The following TRAPPC11 variants were observed in gnomAD, a reference collection of about 807,000 sequenced individuals.
TRAPPC11 encodes the protein foie gras homolog.
TRAPPC11 carries 104 observed loss-of-function variants against 151.2 expected under a neutral mutation model. That is an observed-to-expected ratio of 0.69 (90% CI 0.59 to 0.81). TRAPPC11 has a LOEUF of 0.81. TRAPPC11 is among the 30% of genes least tolerant of loss of function. The probability of loss-of-function intolerance (pLI) is 0.00; values close to 1 mark genes in which losing one functional copy is unlikely to be tolerated. For synonymous variants in TRAPPC11, 456 were observed against 472.3 expected (o/e 0.97, Z 0.45); for missense variants, 1,230 against 1,349.6 (o/e 0.91, Z 1.39).
At chr4:183,677,175 G>A (rs1735456374) in intron 7 of TRAPPC11, among the ~76,000 whole-genome samples, 1 of 152,166 alleles carries the variant, frequency 6.6e-6, no homozygotes, top group Admixed American at 6.5e-5. Context: ...GATTTTTCTG[G>A]ACAGTTGTCC....
chr4:183,681,880 G>A (rs1735718567), intron 10 of TRAPPC11, among the ~76,000 whole-genome samples: 1 of 151,998 alleles, frequency 6.6e-6, no homozygotes, highest in South Asian at 2.1e-4. Context: ...GATAACTAAG[G>A]CAGCTAATAA....
chr4:183,681,418 A>G (rs1735683164), intron 10 of TRAPPC11, among the ~76,000 whole-genome samples: 1 of 151,702 alleles, frequency 6.6e-6, no homozygotes. Context: ...CAGTATTTTA[A>G]AAAGTGACTA....
Position 183,697,782 on chromosome 4 carries a change from A to G in TRAPPC11, c.2798A>G (p.Gln933Arg). Reference protein sequence around the residue: ...WALTIVSSELQLAPSMTTVDQ... With the variant: ...WALTIVSSELRLAPSMTTVDQ... ...CTCACTATTGTTTCCAGTGAGCTCC[A>G]GCTTGCTCCATCCATGACCACAGTG... Residue 933 changes from glutamine (Q) to arginine (R), a missense_variant, in exon 25 of 30, where the codon CAG becomes CGG. Transcript: ENST00000334690. 1 of 1,614,030 alleles carries G rather than the reference A, an allele frequency of 6.2e-7. No homozygotes were observed. Among genetic ancestry groups the G allele is most frequent in the African/African-American group, 1.3e-5 (1 of 75,012 alleles).
At chr4:183,669,659 C>A (rs900915097) in intron 5 of TRAPPC11, among the ~76,000 whole-genome samples, 32 of 152,178 alleles carry the variant, frequency 2.1e-4, no homozygotes, top group Non-Finnish European at 3.1e-4. Flanking sequence ...ATTGCCATAA[C>A]TGAGGGGGTT....
At chr4:183,673,002 G>A (rs1356128379) in intron 5 of TRAPPC11, among the ~76,000 whole-genome samples, 1 of 132,936 alleles carries the variant, frequency 7.5e-6, no homozygotes, top group Non-Finnish European at 1.6e-5. Flanking sequence ...TCGCTCTGTT[G>A]CCCAGGCTGG....
chr4:183,707,252 T>TTGTGTG (rs1275308451), intron 28 of TRAPPC11, among the ~76,000 whole-genome samples: 36 of 98,826 alleles, frequency 3.6e-4, no homozygotes, highest in African/African-American at 1.3e-3. Context: ...GTGTGTGTGT[T>TTGTGTG]TATGTGTGTG....
At chr4:183,712,480 A>G (rs577857976) in intron 29 of TRAPPC11, 120 bp from the exon 30 acceptor site, 2 of 970,774 alleles carry the variant, frequency 2.1e-6, no homozygotes, top group African/African-American at 1.6e-5. Context: ...TTTGATGCTT[A>G]CACTCATTTA....
intron 18 of TRAPPC11, among the ~76,000 whole-genome samples, chr4:183,690,839 A>G (rs990333798): frequency 2.0e-5 from 3 of 152,122 alleles, no homozygotes; most frequent in Non-Finnish European, 2.9e-5. Flanking sequence ...GTGATCGTAC[A>G]TGCCTATGGT....
rs1019096674 is a variant in TRAPPC11, at chr4:183,708,587, A to G, written c.3357+13A>G. On this transcript the variant is annotated intron_variant, in intron 29 of 29. Coordinates refer to ENST00000334690, the MANE Select transcript of TRAPPC11 (RefSeq NM_021942.6). ...TATTTTTGTCAAGGTAAAGCTTAGC[A>G]ATTTTCTGCTTTTTAAATTCAAAGT... 9.3e-6 allele frequency: 15 copies of G among 1,607,084 alleles called. No homozygotes were observed. Among genetic ancestry groups the G allele is most frequent in the Non-Finnish European group, 1.3e-5 (15 of 1,178,178 alleles).
chr4:183,692,685 G>T (rs1178755414), intron 19 of TRAPPC11, among the ~76,000 whole-genome samples: 1 of 152,186 alleles, frequency 6.6e-6, no homozygotes, highest in Non-Finnish European at 1.5e-5. Flanking sequence ...TATGCCAGAT[G>T]TTAAAATCAT....
chr4:183,673,048 C>T (rs1434368990), intron 5 of TRAPPC11, among the ~76,000 whole-genome samples: 2 of 150,908 alleles, frequency 1.3e-5, no homozygotes, highest in African/African-American at 2.4e-5. Context: ...TTGCAAGCTC[C>T]GTCTCCTGGG....
At chr4:183,695,271 G>A (rs915904753) in intron 23 of TRAPPC11, among the ~76,000 whole-genome samples, 1 of 152,056 alleles carries the variant, frequency 6.6e-6, no homozygotes, top group African/African-American at 2.4e-5. Context: ...TCGTATAGAG[G>A]ATCAATAGGA....
At chr4:183,693,335 G>A (rs1736353853) in intron 20 of TRAPPC11, among the ~76,000 whole-genome samples, 188 bp downstream of exon 20, 1 of 152,080 alleles carries the variant, frequency 6.6e-6, no homozygotes, top group African/African-American at 2.4e-5. Context: ...TTCCCCAGTA[G>A]TTGGGACTAC....
At chr4:183,663,781 C>T in intron 1 of TRAPPC11, 66 bp from the exon 2 acceptor site, 1 of 777,538 alleles carries the variant, frequency 1.3e-6, no homozygotes, top group East Asian at 3.2e-5. Flanking sequence ...TCTTGTTGCC[C>T]AGGCTGGAGA....
At chr4:183,690,977 C>T (rs1213721927) in intron 18 of TRAPPC11, among the ~76,000 whole-genome samples, 1 of 151,980 alleles carries the variant, frequency 6.6e-6, no homozygotes, top group Non-Finnish European at 1.5e-5. Flanking sequence ...GGATGAGAAA[C>T]AGGAAAGATT....
At chr4:183,660,428 T>C (rs1009266770) in intron 1 of TRAPPC11, among the ~76,000 whole-genome samples, 3 of 152,242 alleles carry the variant, frequency 2.0e-5, no homozygotes, top group African/African-American at 7.2e-5. Context: ...TTTATATTAT[T>C]GTCAGTATGA....
chr4:183,712,428 G>A (rs1338924125), intron 29 of TRAPPC11, among the ~76,000 whole-genome samples, 172 bp from the exon 30 acceptor site: 1 of 152,154 alleles, frequency 6.6e-6, no homozygotes, highest in Non-Finnish European at 1.5e-5. Context: ...GAAAGAAAGA[G>A]GTGGGGTGAA....
intron 22 of TRAPPC11, 77 bp from the exon 23 acceptor site, chr4:183,694,527 G>C (rs535363562): frequency 7.0e-7 from 1 of 1,422,198 alleles, no homozygotes; most frequent in East Asian, 2.5e-5. Flanking sequence ...CTAGAAGGTG[G>C]GAACATTATC....
In TRAPPC11 at chr4:183,693,707, G is replaced by C. The variant is rs1398590991; in HGVS notation, c.2356G>C (p.Asp786His). ...VQSHEKTQIR[D>H]VKLTAGLKPG... Reference sequence around the variant, plus strand: ...GTCCCATGAAAAGACCCAAATCAGAGATGTGAAGCTCACCGCTGGCTTAAA... The same window carrying C: ...GTCCCATGAAAAGACCCAAATCAGACATGTGAAGCTCACCGCTGGCTTAAA... The change falls in exon 21 of 30, where the codon GAT (aspartate) becomes CAT (histidine). Residue 786 changes from aspartate to histidine, a missense_variant. Physicochemically the swap from Asp to His is moderately conservative, Grantham distance 81. Coordinates refer to ENST00000334690, the MANE Select transcript of TRAPPC11 (RefSeq NM_021942.6). The C allele has an allele frequency of 6.2e-7, 1 of 1,613,862 alleles. No individual in the cohort carries two copies. The highest frequency in any genetic ancestry group is 8.5e-7 in the Non-Finnish European group (1 of 1,180,020).
Sources: gnomAD v4.1 joint callset for allele counts (sites outside exome capture counted in the v4.1 genomes callset) on GRCh38, gnomAD v4.1.1 for gene constraint, MANE v1.5 for transcripts, NCBI Gene and HGNC (gene_info 2026-07-23, HGNC 2026-07-21) for gene names.